Variants in ELAVL4 observed in about 807,000 individuals in gnomAD.
ELAVL4 encodes ELAV-like protein 4.
ELAVL4 carries 1 observed loss-of-function variant against 35.6 expected under a neutral mutation model. The ratio of observed to expected loss-of-function variants is 0.03; its 90% CI spans 0.01 to 0.13. ELAVL4 has a LOEUF of 0.13. Among genes scored for constraint, ELAVL4 ranks in the 10% least tolerant of loss-of-function variants. The pLI, the probability that ELAVL4 is intolerant of heterozygous loss-of-function variation, is 1.00. For synonymous variants in ELAVL4, 156 were observed against 171.0 expected, an observed-to-expected ratio of 0.91 and a Z score of 0.69; for missense variants, 267 against 464.9, an observed-to-expected ratio of 0.57 and a Z score of 3.91.
At chr1:50,074,905 C>T (rs1252149846) in intron 1 of ELAVL4, among the ~76,000 whole-genome samples, 2 of 151,838 alleles carry the variant, frequency 1.3e-5, no homozygotes, top group Non-Finnish European at 2.9e-5. Flanking sequence ...AGCAAATCCT[C>T]ATAGAGCTTA....
intron 1 of ELAVL4, among the ~76,000 whole-genome samples, chr1:50,055,286 T>C (rs1448767800): frequency 6.7e-6 from 1 of 148,552 alleles, no homozygotes. Context: ...TTTTTTTTTG[T>C]TTTGTTTTTG....
At chr1:50,182,079 A>G (rs1681127040) in intron 3 of ELAVL4, among the ~76,000 whole-genome samples, 1 of 152,256 alleles carries the variant, frequency 6.6e-6, no homozygotes, top group Non-Finnish European at 1.5e-5. Context: ...CCTTGACCCC[A>G]CACCTGATGC....
intron 1 of ELAVL4, among the ~76,000 whole-genome samples, chr1:50,048,881 T>C (rs4489606): frequency 0.32 from 48,858 of 152,068 alleles, 8,555 homozygotes; most frequent in East Asian, 0.73. Context: ...GTAATTGTTG[T>C]CTCTCTTTGG....
chr1:50,128,752 C>G (rs1670376083), intron 1 of ELAVL4, among the ~76,000 whole-genome samples: 1 of 152,044 alleles, frequency 6.6e-6, no homozygotes. Flanking sequence ...ACAGTGTGTT[C>G]TGGTTTGTCA....
Position 50,117,292 on chromosome 1 carries a change from C to T in ELAVL4, c.9+8094C>T, listed in dbSNP as rs570401644. 3.3e-5 allele frequency among the ~76,000 whole-genome samples: 5 copies of T among 152,206 alleles called. No homozygotes were observed. The South Asian group carries it at 6.2e-4, about 19-fold the overall frequency. On this transcript the variant is annotated intron_variant, in intron 1 of 6. Transcript: ENST00000371824. ...AACATATTATATTGACCTGTACACA[C>T]GTAGAAAAATTAGATTTATTTCTAC...
intron 2 of ELAVL4, among the ~76,000 whole-genome samples, chr1:50,154,778 G>GTT (rs1327470397): frequency 6.6e-6 from 1 of 151,538 alleles, no homozygotes; most frequent in African/African-American, 2.4e-5. Flanking sequence ...GTGTGTGTGT[G>GTT]TGTGTGTTTG....
chr1:50,084,549 G>A (rs138371710), intron 1 of ELAVL4, among the ~76,000 whole-genome samples: 1 of 151,918 alleles, frequency 6.6e-6, no homozygotes, highest in African/African-American at 2.4e-5. Flanking sequence ...TATATAATAT[G>A]GCTCTGCCTC....
chr1:50,191,083 G>C (rs1557859412), intron 3 of ELAVL4, among the ~76,000 whole-genome samples: 1 of 152,202 alleles, frequency 6.6e-6, no homozygotes, highest in Non-Finnish European at 1.5e-5. Flanking sequence ...TAATTGGTCT[G>C]TATGTTTACT....
intron 1 of ELAVL4, among the ~76,000 whole-genome samples, chr1:50,059,274 T>C (rs1663837321): frequency 6.6e-6 from 1 of 152,228 alleles, no homozygotes; most frequent in South Asian, 2.1e-4. Flanking sequence ...TAGCAAGTTG[T>C]GATGCAGTTG....
chr1:50,096,792 G>A (rs1484744664), intron 1 of ELAVL4, among the ~76,000 whole-genome samples: 2 of 152,136 alleles, frequency 1.3e-5, no homozygotes, highest in East Asian at 3.9e-4. Context: ...AGGCATTATT[G>A]TTGTCCCCAG....
intron 1 of ELAVL4, among the ~76,000 whole-genome samples, chr1:50,085,200 A>C (rs951171770): frequency 6.6e-6 from 1 of 152,196 alleles, no homozygotes; most frequent in Non-Finnish European, 1.5e-5. Flanking sequence ...GGTGACTTAA[A>C]CCATGCCTGC....
chr1:50,159,173 T>TA (rs1488630674), intron 2 of ELAVL4, among the ~76,000 whole-genome samples: 1 of 152,216 alleles, frequency 6.6e-6, no homozygotes, highest in Non-Finnish European at 1.5e-5. Flanking sequence ...CTTGAGACAG[T>TA]ATTCAGTCCT....
chr1:50,193,095 C>T (rs985060415), intron 3 of ELAVL4, among the ~76,000 whole-genome samples: 2 of 152,072 alleles, frequency 1.3e-5, no homozygotes, highest in African/African-American at 4.8e-5. Flanking sequence ...TTTTATCTGC[C>T]CTGCTTCAAA....
In ELAVL4 at chr1:50,134,123, TA is replaced by T. The variant is rs754392097; in HGVS notation, c.10-10830del. On this transcript the variant is annotated intron_variant, in intron 1 of 6. Coordinates refer to ENST00000371824, the MANE Select transcript of ELAVL4 (RefSeq NM_001144774.3). ...CTGAAGAATTTAATCTGAGTGTGCA[TA>T]AAACTTAATTTCAGAGATGTGACCT... Among the ~76,000 whole-genome samples, 263 of 152,324 alleles carry T rather than the reference TA, an allele frequency of 1.7e-3. 2 individuals are homozygous for T. The highest frequency in any genetic ancestry group is 1.9e-3 in the Non-Finnish European group (131 of 68,014).
upstream of ELAVL4, chr1:50,106,231 A>G: frequency 1.5e-6 from 2 of 1,372,338 alleles, no homozygotes; most frequent in East Asian, 2.4e-5. Context: ...GGCTTCTGGT[A>G]CAGTCCATCT....
chr1:50,151,112 C>G (rs1329039909), intron 2 of ELAVL4, among the ~76,000 whole-genome samples: 1 of 152,154 alleles, frequency 6.6e-6, no homozygotes, highest in African/African-American at 2.4e-5. Flanking sequence ...AATTACTGGC[C>G]AACGTGACTT....
At chr1:50,120,343 A>G (rs1668818339) in intron 1 of ELAVL4, among the ~76,000 whole-genome samples, 1 of 152,030 alleles carries the variant, frequency 6.6e-6, no homozygotes, top group African/African-American at 2.4e-5. Flanking sequence ...ACATGGAGAG[A>G]ATCATATGAA....
intron 1 of ELAVL4, among the ~76,000 whole-genome samples, chr1:50,063,453 G>A (rs1023185049): frequency 1.3e-5 from 2 of 152,074 alleles, no homozygotes; most frequent in African/African-American, 4.8e-5. Context: ...TAGGAAACAC[G>A]TACATGTTAT....
chr1:50,141,800 G>A, intron 1 of ELAVL4: 1 of 152,208 alleles, frequency 6.6e-6, no homozygotes, highest in East Asian at 1.9e-4. Flanking sequence ...TTGACCTGAA[G>A]CCAAGAAGAA....
Sources: gnomAD v4.1 joint callset for allele counts (sites outside exome capture counted in the v4.1 genomes callset) on GRCh38, gnomAD v4.1.1 for gene constraint, MANE v1.5 for transcripts, NCBI Gene and HGNC (gene_info 2026-07-23, HGNC 2026-07-21) for gene names.